Variants in MCTP1 observed in about 807,000 individuals in gnomAD.
MCTP1 encodes the protein multiple C2 and transmembrane domain containing 1, also known as multiple C2 and transmembrane domain-containing protein 1.
Under a neutral mutation model 120.6 loss-of-function variants are expected in MCTP1, and 69 were observed. That is an observed-to-expected ratio of 0.57 (90% confidence interval 0.47 to 0.70). The LOEUF (loss-of-function observed/expected upper bound fraction) is 0.70. MCTP1 is among the 30% of genes least tolerant of loss of function. MCTP1 has a pLI of 0.00. For synonymous variants in MCTP1, 529 were observed against 493.1 expected, an observed-to-expected ratio of 1.07 and a Z score of -0.96; for missense variants, 1,203 against 1,248.8, an observed-to-expected ratio of 0.96 and a Z score of 0.55.
At chr5:95,183,102 A>G (rs550639863) in intron 1 of MCTP1, among the ~76,000 whole-genome samples, 7 of 152,210 alleles carry the variant, frequency 4.6e-5, no homozygotes, top group South Asian at 4.1e-4. Flanking sequence ...ACAGATGAAT[A>G]TATCAGTGGA....
At chr5:95,035,174 G>C (rs1419082353) in intron 1 of MCTP1, among the ~76,000 whole-genome samples, 1 of 151,818 alleles carries the variant, frequency 6.6e-6, no homozygotes, top group Non-Finnish European at 1.5e-5. Context: ...ATTTCTCAAA[G>C]AACTAAAAAT....
At chr5:94,863,005 T>G (rs1561767320) in intron 17 of MCTP1, among the ~76,000 whole-genome samples, 1 of 151,832 alleles carries the variant, frequency 6.6e-6, no homozygotes, top group Non-Finnish European at 1.5e-5. Context: ...TTATATAGGT[T>G]TTCTTCTTCC....
intron 5 of MCTP1, among the ~76,000 whole-genome samples, chr5:94,937,786 C>A (rs1816560015): frequency 1.3e-5 from 2 of 151,970 alleles, no homozygotes; most frequent in Admixed American, 1.3e-4. Context: ...AATAAACATC[C>A]CTTTAATGTA....
At chr5:95,258,789 A>G (rs1222743215) in intron 1 of MCTP1, among the ~76,000 whole-genome samples, 1 of 152,204 alleles carries the variant, frequency 6.6e-6, no homozygotes, top group Admixed American at 6.5e-5. Flanking sequence ...TGGTAGTGAT[A>G]CCTTGTCAAC....
In MCTP1 at chr5:94,863,432, T is replaced by C. The variant is rs116506873; in HGVS notation, c.2436+4901A>G. On this transcript the variant is annotated intron_variant, in intron 17 of 22. Transcript: ENST00000515393. ...TAATTTCATTGCTGTGGTAGTACTA[T>C]TGTCTCTTAAATTTTCAGAATAGAT... is the stretch of plus-strand genomic sequence containing the variant. Among the ~76,000 whole-genome samples, 978 of 151,992 alleles carry C rather than the reference T, an allele frequency of 6.4e-3. 13 individuals carry two copies. The highest frequency in any genetic ancestry group is 0.022 in the African/African-American group (896 of 41,528).
intron 2 of MCTP1, among the ~76,000 whole-genome samples, chr5:95,001,224 C>A (rs1488969651): frequency 6.6e-6 from 1 of 152,126 alleles, no homozygotes; most frequent in Non-Finnish European, 1.5e-5. Flanking sequence ...TATAAATTAC[C>A]CAGTGTCGGG....
intron 17 of MCTP1, among the ~76,000 whole-genome samples, chr5:94,850,712 C>T (rs1447437742): frequency 1.3e-5 from 2 of 152,016 alleles, no homozygotes; most frequent in African/African-American, 2.4e-5. Context: ...ATGTACATTG[C>T]TTTTCTGAAG....
chr5:95,049,600 T>G (rs1745389730), intron 1 of MCTP1, among the ~76,000 whole-genome samples: 1 of 152,188 alleles, frequency 6.6e-6, no homozygotes, highest in African/African-American at 2.4e-5. Flanking sequence ...GATCATCTGT[T>G]GCATACTTAA....
At chr5:95,200,941 A>G (rs1750942809) in intron 1 of MCTP1, among the ~76,000 whole-genome samples, 1 of 152,202 alleles carries the variant, frequency 6.6e-6, no homozygotes, top group Non-Finnish European at 1.5e-5. Context: ...GATAAACAAA[A>G]CAACATCCTC....
intron 1 of MCTP1, among the ~76,000 whole-genome samples, chr5:95,256,899 G>C (rs566242043): frequency 6.6e-6 from 1 of 152,128 alleles, no homozygotes; most frequent in Non-Finnish European, 1.5e-5. Context: ...ACACTGTCTT[G>C]TTCCAATGTA....
chr5:95,114,899 G>A (rs1368904778), intron 1 of MCTP1, among the ~76,000 whole-genome samples: 2 of 152,170 alleles, frequency 1.3e-5, no homozygotes, highest in Non-Finnish European at 2.9e-5. Context: ...AGTGGTGCTT[G>A]TGTCACTCCA....
rs181384345 is a variant in MCTP1 at position 95,184,516 on chromosome 5, G to A, written c.720+99340C>T. On this transcript the variant is annotated intron_variant, in intron 1 of 22. Coordinates refer to ENST00000515393, the MANE Select transcript of MCTP1 (RefSeq NM_024717.7). ...TTTAAGCTGTCCTTGTTCATTCCCG[G>A]GTGTAGGGCAAACTAACTTTGGGAA... Among the ~76,000 whole-genome samples the A allele has an allele frequency of 5.9e-5, 9 of 152,164 alleles. No homozygotes were observed. The East Asian group carries it at 1.7e-3, about 29-fold the overall frequency.
intron 1 of MCTP1, among the ~76,000 whole-genome samples, chr5:95,205,661 T>G (rs2152559461): frequency 6.6e-6 from 1 of 152,188 alleles, no homozygotes; most frequent in East Asian, 1.9e-4. Flanking sequence ...CACACAATAT[T>G]TAGCACAATA....
intron 19 of MCTP1, among the ~76,000 whole-genome samples, chr5:94,717,499 A>G (rs375494009): frequency 6.6e-6 from 1 of 152,144 alleles, no homozygotes; most frequent in Non-Finnish European, 1.5e-5. Context: ...CCTATTCAAC[A>G]TAGTATTGGA....
intron 7 of MCTP1, among the ~76,000 whole-genome samples, chr5:94,918,289 A>G (rs1232840745): frequency 2.0e-5 from 3 of 152,242 alleles, no homozygotes; most frequent in African/African-American, 7.2e-5. Context: ...CAGAGAAAAT[A>G]ACTATAGCAA....
At chr5:95,174,572 C>T (rs1582443127) in intron 1 of MCTP1, among the ~76,000 whole-genome samples, 1 of 152,134 alleles carries the variant, frequency 6.6e-6, no homozygotes, top group Non-Finnish European at 1.5e-5. Flanking sequence ...ATGTCTGTCT[C>T]ATTCTTGTTT....
At position 94,889,364 on chromosome 5, in the gene MCTP1, G is replaced by A. The variant is rs558705658; in HGVS notation, c.1840-392C>T. Reference sequence around the variant, plus strand: ...AGCACTTTGGGAAGCTGAGGTGGGTGGATCACAAGGTCAGGAGTTCAAGAC... The same window carrying A: ...AGCACTTTGGGAAGCTGAGGTGGGTAGATCACAAGGTCAGGAGTTCAAGAC... On this transcript the variant is annotated intron_variant, in intron 11 of 22. Transcript: ENST00000515393. Among the ~76,000 whole-genome samples the A allele has an allele frequency of 2.0e-5, 3 of 152,114 alleles. No individual in the cohort carries two copies. The East Asian group carries it at 5.8e-4, about 29-fold the overall frequency.
chr5:94,720,475 G>T (rs913605571), intron 19 of MCTP1, among the ~76,000 whole-genome samples: 3 of 151,978 alleles, frequency 2.0e-5, no homozygotes, highest in Non-Finnish European at 4.4e-5. Context: ...TGAGATTATA[G>T]TACATACAAT....
chr5:95,169,939 G>A (rs1460342893), intron 1 of MCTP1, among the ~76,000 whole-genome samples: 2 of 151,648 alleles, frequency 1.3e-5, no homozygotes, highest in African/African-American at 2.4e-5. Context: ...AACTTTTCTT[G>A]CACATTCTGC....
Sources: allele counts gnomAD v4.1 joint callset (sites outside exome capture counted in the v4.1 genomes callset), GRCh38; gene constraint gnomAD v4.1.1; transcripts MANE v1.5; gene names NCBI Gene and HGNC (gene_info 2026-07-23, HGNC 2026-07-21).